PKNOX2: variants seen among roughly 807,000 people sequenced by gnomAD.
PKNOX2 encodes PBX/knotted 1 homeobox 2.
A neutral mutation model predicts 53.1 loss-of-function variants in PKNOX2; 14 were observed. The observed-to-expected ratio is 0.26, with a 90% confidence interval of 0.17 to 0.41. The LOEUF (loss-of-function observed/expected upper bound fraction) is 0.41, where lower values mean the gene tolerates loss of function less well. PKNOX2 is among the 10% of genes least tolerant of loss of function. The pLI, the probability that PKNOX2 is intolerant of heterozygous loss-of-function variation, is 1.00. For synonymous variants in PKNOX2, 257 were observed against 242.8 expected (o/e 1.06, Z -0.54); for missense variants, 496 against 602.8 (o/e 0.82, Z 1.85).
In PKNOX2 at chr11:125,331,807, C is replaced by T. The variant is rs987807052; in HGVS notation, c.-129-12C>T. ...CCTTCCCTGCTGAGAGCTGCTCTAC[C>T]CTTTTTTGCAGGTGCTTTGGCTCTA... On this transcript the variant is annotated splice_polypyrimidine_tract_variant and intron_variant, in intron 2 of 12. Transcript: ENST00000298282. 6.6e-6 allele frequency: 1 copy of T among 152,328 alleles called. No individual in the cohort carries two copies. Among genetic ancestry groups the T allele is most frequent in the African/African-American group, 2.4e-5 (1 of 41,460 alleles). 9.4% of individuals were successfully genotyped at this position (152,328 alleles called of 1,614,324 possible). A position where few individuals can be genotyped will look rare whatever the true frequency, so the allele number is the denominator to read the frequency against.
rs1370674670 is a variant in PKNOX2, at chr11:125,370,612, A to G, written c.227+2627A>G. 6.6e-6 allele frequency among the ~76,000 whole-genome samples: 1 copy of G among 152,214 alleles called. No individual in the cohort carries two copies. Among genetic ancestry groups the G allele is most frequent in the Non-Finnish European group, 1.5e-5 (1 of 68,042 alleles). ...AGGACACCGAGCTGACAGCAGCACC[A>G]TGCTGGCTTCCCATCTCTCTAGTCC... On this transcript the variant is annotated intron_variant, in intron 5 of 12. Transcript: ENST00000298282. This position sits in a 1 kb window ranked among gnomAD's most constrained non-coding sequence, Gnocchi z 4.1.
rs888391162 is a variant in PKNOX2, at chr11:125,371,654, G to T, written c.227+3669G>T. Among the ~76,000 whole-genome samples the T allele has an allele frequency of 3.2e-4, 48 of 152,306 alleles. 1 individual carries two copies. Among genetic ancestry groups the T allele is most frequent in the African/African-American group, 1.2e-3 (48 of 41,562 alleles). On this transcript the variant is annotated intron_variant, in intron 5 of 12. Coordinates refer to ENST00000298282, the MANE Select transcript of PKNOX2 (RefSeq NM_001382323.2). ...CTAGGCCTGGCCAGGTGCGGGTGGG[G>T]GAGGAGGTTGGCTTTGCGAAGACTG...
At chr11:125,419,360 C>T (rs1207609558) in intron 10 of PKNOX2, among the ~76,000 whole-genome samples, 1 of 151,308 alleles carries the variant, frequency 6.6e-6, no homozygotes, top group Admixed American at 6.6e-5. Flanking sequence ...ATTGAGAGTT[C>T]CCATAATTGG....
chr11:125,320,897 C>T (rs1490279888), intron 2 of PKNOX2, among the ~76,000 whole-genome samples: 1 of 152,194 alleles, frequency 6.6e-6, no homozygotes, highest in African/African-American at 2.4e-5. Flanking sequence ...GCATGGTCTC[C>T]GTTGCAACCT....
At chr11:125,175,165 C>T (rs981534585) in intron 1 of PKNOX2, among the ~76,000 whole-genome samples, 1 of 151,508 alleles carries the variant, frequency 6.6e-6, no homozygotes, top group East Asian at 1.9e-4. Flanking sequence ...GACGTCTGGT[C>T]TCCTGGAATA....
intron 1 of PKNOX2, among the ~76,000 whole-genome samples, chr11:125,188,636 T>G (rs1956598615): frequency 6.6e-6 from 1 of 152,138 alleles, no homozygotes. Context: ...CCCAGCAACT[T>G]TTGTCCTATT....
intron 2 of PKNOX2, among the ~76,000 whole-genome samples, chr11:125,267,269 G>A (rs775967693): frequency 6.6e-6 from 1 of 152,130 alleles, no homozygotes; most frequent in African/African-American, 2.4e-5. Context: ...GTGTGTTCCC[G>A]TACCCACGTG....
intron 2 of PKNOX2, among the ~76,000 whole-genome samples, chr11:125,236,451 G>C (rs558170157): frequency 5.3e-5 from 8 of 152,008 alleles, no homozygotes; most frequent in Admixed American, 2.0e-4. Flanking sequence ...TCTCCTCCTC[G>C]CATCGGAGGT....
At chr11:125,306,196 A>T (rs550087258) in intron 2 of PKNOX2, among the ~76,000 whole-genome samples, 1 of 145,198 alleles carries the variant, frequency 6.9e-6, no homozygotes, top group Non-Finnish European at 1.5e-5. Context: ...GCCCGGCGGC[A>T]GGTGGCTGAA....
chr11:125,203,462 G>A (rs558409966), intron 1 of PKNOX2, among the ~76,000 whole-genome samples: 10 of 152,300 alleles, frequency 6.6e-5, no homozygotes, highest in African/African-American at 9.6e-5. Context: ...AAGTGGCTCC[G>A]CTTCCTTCCT....
chr11:125,333,782 G>C (rs773194422), intron 3 of PKNOX2, among the ~76,000 whole-genome samples: 2 of 152,106 alleles, frequency 1.3e-5, no homozygotes, highest in Non-Finnish European at 2.9e-5. Context: ...AAATCGTTTT[G>C]CTTACATAAT....
chr11:125,377,843 C>CA (rs1404853280), intron 5 of PKNOX2, among the ~76,000 whole-genome samples: 1 of 152,218 alleles, frequency 6.6e-6, no homozygotes. Context: ...CGTTGGGTCA[C>CA]ATTTAAAGCC....
In PKNOX2 at chr11:125,240,106, G is replaced by A. The variant is rs1943028966; in HGVS notation, c.-130+4991G>A. 1 of 152,220 alleles carries A rather than the reference G, an allele frequency of 6.6e-6. No homozygotes were observed. The highest frequency in any genetic ancestry group is 1.5e-5 in the Non-Finnish European group (1 of 68,054). 9.4% of individuals were successfully genotyped at this position (152,220 alleles called of 1,614,324 possible). A position where few individuals can be genotyped will look rare whatever the true frequency, so the allele number is the denominator to read the frequency against. ...TCTGGCGGCAGAGAGGCCGATTGAT[G>A]AGATGCCGAGGTCTGCAGCCCCAAC... On this transcript the variant is annotated intron_variant, in intron 2 of 12. Coordinates refer to ENST00000298282, the MANE Select transcript of PKNOX2 (RefSeq NM_001382323.2). This position sits in a 1 kb window ranked among gnomAD's most constrained non-coding sequence, Gnocchi z 4.3.
intron 7 of PKNOX2, among the ~76,000 whole-genome samples, chr11:125,403,431 G>C (rs1000071947): frequency 7.9e-5 from 12 of 152,200 alleles, no homozygotes; most frequent in African/African-American, 2.9e-4. Flanking sequence ...AGGGGAGACG[G>C]TGAACATTTA....
intron 1 of PKNOX2, among the ~76,000 whole-genome samples, chr11:125,192,510 G>A (rs1956940608): frequency 6.6e-6 from 1 of 152,210 alleles, no homozygotes; most frequent in Admixed American, 6.5e-5. Context: ...GCAGGAGCTA[G>A]GTCTGGGGAA....
chr11:125,205,435 G>C (rs751570448), intron 1 of PKNOX2, among the ~76,000 whole-genome samples: 1 of 152,166 alleles, frequency 6.6e-6, no homozygotes, highest in Non-Finnish European at 1.5e-5. Flanking sequence ...TCTTGATCAC[G>C]GAGGGCAAAG....
chr11:125,351,485 A>AGCCC, intron 4 of PKNOX2, 93 bp downstream of exon 4: 1 of 813,348 alleles, frequency 1.2e-6, no homozygotes, highest in Non-Finnish European at 2.0e-6. Context: ...CCAGGGGCCG[A>AGCCC]CGGGCAGAGC....
intron 2 of PKNOX2, among the ~76,000 whole-genome samples, chr11:125,280,506 G>A (rs982786665): frequency 1.3e-5 from 2 of 152,164 alleles, no homozygotes; most frequent in African/African-American, 4.8e-5. Context: ...AATCCAAACT[G>A]TCAGGGAAGG....
intron 2 of PKNOX2, among the ~76,000 whole-genome samples, chr11:125,241,835 A>G (rs1943168519): frequency 6.6e-6 from 1 of 152,218 alleles, no homozygotes; most frequent in Non-Finnish European, 1.5e-5. Flanking sequence ...AGCCTGGGTG[A>G]CAGAGCAAGA....
Sources: gnomAD v4.1 joint callset for allele counts (sites outside exome capture counted in the v4.1 genomes callset) on GRCh38, gnomAD v4.1.1 for gene constraint, Gnocchi (gnomAD v3.1) non-coding constraint, MANE v1.5 for transcripts, NCBI Gene and HGNC (gene_info 2026-07-23, HGNC 2026-07-21) for gene names.